The following TCF4 variants were observed in gnomAD, a reference collection of about 807,000 sequenced individuals.
The protein encoded by TCF4 is SL3-3 enhancer factor 2.
A neutral mutation model predicts 82.1 loss-of-function variants in TCF4; 3 were observed. The ratio of observed to expected loss-of-function variants is 0.04; its 90% CI spans 0.02 to 0.09. The LOEUF is 0.09. Among genes scored for constraint, TCF4 ranks in the 10% least tolerant of loss-of-function variants. TCF4 has a pLI of 1.00. For missense variants in TCF4, 518 were observed against 852.7 expected (o/e 0.61, Z 4.89); for synonymous variants, 276 against 309.6 (o/e 0.89, Z 1.14).
At chr18:55,450,491 C>T (rs73479253) in intron 5 of TCF4, among the ~76,000 whole-genome samples, 9,297 of 152,030 alleles carry the variant, frequency 0.061, 417 homozygotes, top group African/African-American at 0.13. Context: ...CCTCATATTC[C>T]GCAAAAGAAA....
At chr18:55,264,285 C>T (rs932217162) in intron 11 of TCF4, among the ~76,000 whole-genome samples, 1 of 152,110 alleles carries the variant, frequency 6.6e-6, no homozygotes, top group African/African-American at 2.4e-5. Flanking sequence ...CAAAGGCTAC[C>T]CATGGAAACC....
intron 2 of TCF4, among the ~76,000 whole-genome samples, chr18:55,629,193 G>T (rs946213393): frequency 6.6e-6 from 1 of 152,096 alleles, no homozygotes; most frequent in Admixed American, 6.5e-5. Context: ...TCATGACAAG[G>T]CCTGTTGATA....
chr18:55,406,578 C>A (rs906611605), intron 5 of TCF4, among the ~76,000 whole-genome samples: 2 of 152,166 alleles, frequency 1.3e-5, no homozygotes, highest in African/African-American at 4.8e-5. Context: ...GCGCTGATAA[C>A]ATGTTTGAGT....
intron 6 of TCF4, among the ~76,000 whole-genome samples, chr18:55,375,235 C>T (rs1226596758): frequency 6.6e-6 from 1 of 151,484 alleles, no homozygotes; most frequent in Non-Finnish European, 1.5e-5. Flanking sequence ...AAATAAAATT[C>T]CACATAAAAC....
intron 8 of TCF4, among the ~76,000 whole-genome samples, chr18:55,310,853 T>C (rs2072147144): frequency 6.6e-6 from 1 of 152,210 alleles, no homozygotes; most frequent in Non-Finnish European, 1.5e-5. Flanking sequence ...AAAATGGTAA[T>C]ACACTTCCTC....
rs538259243 is a variant in TCF4 at position 55,442,743 on chromosome 18, G to A, written c.304+18276C>T. ...CATAGCTTCCCTCTTCCGTCACACC[G>A]GATCAAAACCCATATACAAGGAAAT... On this transcript the variant is annotated intron_variant, in intron 5 of 19. Coordinates refer to ENST00000354452, the MANE Select transcript of TCF4 (RefSeq NM_001083962.2). 2.7e-4 allele frequency among the ~76,000 whole-genome samples: 41 copies of A among 152,224 alleles called. 1 individual carries two copies. In the South Asian group the frequency reaches 6.0e-3, roughly 22 times the overall value.
chr18:55,579,972 T>C (rs1221329409), intron 3 of TCF4, among the ~76,000 whole-genome samples: 4 of 152,026 alleles, frequency 2.6e-5, no homozygotes, highest in Non-Finnish European at 5.9e-5. Flanking sequence ...TTTCATTACA[T>C]AGTTCTATTA....
At chr18:55,376,854 C>G (rs554343964) in intron 6 of TCF4, among the ~76,000 whole-genome samples, 1 of 152,138 alleles carries the variant, frequency 6.6e-6, no homozygotes, top group Non-Finnish European at 1.5e-5. Flanking sequence ...TTAATCAAGC[C>G]TTTTTTACAG....
chr18:55,603,859 C>T (rs899734499), intron 2 of TCF4, among the ~76,000 whole-genome samples: 2 of 152,138 alleles, frequency 1.3e-5, no homozygotes, highest in African/African-American at 2.4e-5. Flanking sequence ...AACAATTCCT[C>T]CTGAGGAGAA....
intron 3 of TCF4, among the ~76,000 whole-genome samples, chr18:55,491,054 T>C (rs2145808128): frequency 6.6e-6 from 1 of 152,318 alleles, no homozygotes; most frequent in East Asian, 1.9e-4. Context: ...GTCTGCAGTG[T>C]TGGTTAATAG....
At chr18:55,558,953 A>T (rs1224966857) in intron 3 of TCF4, among the ~76,000 whole-genome samples, 2 of 151,980 alleles carry the variant, frequency 1.3e-5, no homozygotes, top group Non-Finnish European at 2.9e-5. Context: ...TTTGAGAAAT[A>T]TGGCAGTAAA....
intron 6 of TCF4, among the ~76,000 whole-genome samples, chr18:55,389,244 T>C (rs1296809732): frequency 6.6e-6 from 1 of 152,230 alleles, no homozygotes; most frequent in East Asian, 1.9e-4. Flanking sequence ...TACAATTTCT[T>C]ACTATTGCTA....
At chr18:55,332,311 G>A (rs2077728439) in intron 8 of TCF4, 3 of 127,446 alleles carry the variant, frequency 2.4e-5, no homozygotes, top group Admixed American at 1.5e-4. Context: ...TAGATTTGAG[G>A]CAGTACAGAA....
chr18:55,287,780 A>G (rs1401184033), intron 8 of TCF4, among the ~76,000 whole-genome samples: 3 of 152,222 alleles, frequency 2.0e-5, no homozygotes, highest in South Asian at 4.1e-4. Flanking sequence ...GGCGTTCTTC[A>G]TGGCTAGGCA....
chr18:55,513,610 T>C (rs577212129), intron 3 of TCF4, among the ~76,000 whole-genome samples: 108 of 152,248 alleles, frequency 7.1e-4, no homozygotes, highest in Middle Eastern at 3.4e-3. Flanking sequence ...TACAAATGCA[T>C]CCTTCAGTTT....
chr18:55,333,076 AAG>A (rs2077908479), intron 8 of TCF4, among the ~76,000 whole-genome samples: 3 of 152,240 alleles, frequency 2.0e-5, no homozygotes, highest in Admixed American at 2.0e-4. Flanking sequence ...ATTCTTAACA[AAG>A]AAATATTTTG....
rs1257319811 is a variant in TCF4 at position 55,401,407 on chromosome 18, G to T, written c.369+2047C>A. On this transcript the variant is annotated intron_variant, in intron 6 of 19. Transcript: ENST00000354452. Reference sequence around the variant, plus strand: ...GAATGAAGGAATCTCCACACTCCACGGCTACATTACGAAGGCTTTTTAAGA... The same window carrying T: ...GAATGAAGGAATCTCCACACTCCACTGCTACATTACGAAGGCTTTTTAAGA... 2.0e-5 allele frequency: 21 copies of T among 1,074,990 alleles called. No homozygotes were observed. In the East Asian group the frequency reaches 1.5e-3, roughly 76 times the overall value. 66.6% of individuals were successfully genotyped at this position (1,074,990 alleles called of 1,614,324 possible). A position where few individuals can be genotyped will look rare whatever the true frequency, so the allele number is the denominator to read the frequency against.
intron 6 of TCF4, among the ~76,000 whole-genome samples, chr18:55,354,740 G>A (rs1016437412): frequency 2.2e-4 from 34 of 152,152 alleles, no homozygotes; most frequent in Non-Finnish European, 3.1e-4. Context: ...TGAGATCAGA[G>A]TACGATGAAT....
At chr18:55,604,427 C>T (rs1193483486) in intron 2 of TCF4, among the ~76,000 whole-genome samples, 1 of 152,024 alleles carries the variant, frequency 6.6e-6, no homozygotes, top group Non-Finnish European at 1.5e-5. Flanking sequence ...CTTGCTGTGC[C>T]TTCTGTTGGA....
Sources: allele counts gnomAD v4.1 joint callset (sites outside exome capture counted in the v4.1 genomes callset), GRCh38; gene constraint gnomAD v4.1.1; transcripts MANE v1.5; gene names NCBI Gene and HGNC (gene_info 2026-07-23, HGNC 2026-07-21).